The following PARP11 variants were observed in gnomAD, a reference collection of about 807,000 sequenced individuals.
PARP11 encodes the protein protein mono-ADP-ribosyltransferase PARP11.
Under a neutral mutation model 42.9 loss-of-function variants are expected in PARP11, and 31 were observed. That is an observed-to-expected ratio of 0.72 (90% CI 0.54 to 0.98). The LOEUF (loss-of-function observed/expected upper bound fraction) is 0.98, where lower values mean the gene tolerates loss of function less well. Among genes scored for constraint, PARP11 ranks in the 50% least tolerant of loss-of-function variants. The pLI is 0.00. For synonymous variants in PARP11, 137 were observed against 127.3 expected, an observed-to-expected ratio of 1.08 and a Z score of -0.51; for missense variants, 365 against 413.1, an observed-to-expected ratio of 0.88 and a Z score of 1.01.
intron 1 of PARP11, among the ~76,000 whole-genome samples, chr12:3,830,378 C>T (rs1008123555): frequency 2.6e-5 from 4 of 152,128 alleles, no homozygotes; most frequent in Non-Finnish European, 4.4e-5. Context: ...CATGCTATCA[C>T]GCTGGTTAAG....
At chr12:3,834,960 C>T (rs1591775178) in intron 1 of PARP11, among the ~76,000 whole-genome samples, 1 of 152,114 alleles carries the variant, frequency 6.6e-6, no homozygotes, top group African/African-American at 2.4e-5. Context: ...TGGCCAAACA[C>T]GACGTAACAG....
intron 1 of PARP11, among the ~76,000 whole-genome samples, chr12:3,850,707 A>C (rs1475863888): frequency 6.6e-6 from 1 of 152,250 alleles, no homozygotes; most frequent in Non-Finnish European, 1.5e-5. Context: ...AAAGGCCTGC[A>C]GATATCACTG....
intron 1 of PARP11, chr12:3,872,805 C>T (rs1948514160): frequency 5.1e-6 from 5 of 985,284 alleles, no homozygotes; most frequent in Non-Finnish European, 6.0e-6. Context: ...TTTCAAAAAA[C>T]AGTGAAGGCA....
chr12:3,865,932 T>TC (rs1273428224), intron 1 of PARP11, among the ~76,000 whole-genome samples: 2 of 152,022 alleles, frequency 1.3e-5, no homozygotes, highest in African/African-American at 4.8e-5. Flanking sequence ...CTCTTTTTTT[T>TC]CTATCTTCTT....
rs150958160 is a variant in PARP11, at chr12:3,831,863, T to A, written c.19-1845A>T. Among the ~76,000 whole-genome samples the A allele has an allele frequency of 5.9e-3, 903 of 152,264 alleles. 5 individuals are homozygous for A. The highest frequency in any genetic ancestry group is 0.019 in the African/African-American group (804 of 41,550). Reference sequence around the variant, plus strand: ...ATTCACAATTCCTACTGCTTTTTTTTATTAATGTTCATTTCATTGGGCCAT... The same window carrying A: ...ATTCACAATTCCTACTGCTTTTTTTAATTAATGTTCATTTCATTGGGCCAT... On this transcript the variant is annotated intron_variant, in intron 1 of 7. Coordinates refer to ENST00000228820, the MANE Select transcript of PARP11 (RefSeq NM_020367.6).
At chr12:3,869,810 T>G (rs561501678) in intron 1 of PARP11, among the ~76,000 whole-genome samples, 7 of 152,262 alleles carry the variant, frequency 4.6e-5, no homozygotes, top group Non-Finnish European at 8.8e-5. Flanking sequence ...TGCACCAGAC[T>G]GCAAACCCAT....
chr12:3,836,431 CTG>C (rs1190718567), intron 1 of PARP11, among the ~76,000 whole-genome samples: 1 of 151,942 alleles, frequency 6.6e-6, no homozygotes, highest in Non-Finnish European at 1.5e-5. Flanking sequence ...ATTACAAAAA[CTG>C]AGAGAATTCA....
intron 1 of PARP11, among the ~76,000 whole-genome samples, chr12:3,868,979 G>A (rs1039456842): frequency 6.6e-6 from 1 of 152,196 alleles, no homozygotes; most frequent in South Asian, 2.1e-4. Context: ...TTGTATGAGA[G>A]AATCTATTTC....
At chr12:3,845,902 G>C (rs1337643842) in intron 1 of PARP11, among the ~76,000 whole-genome samples, 1 of 152,188 alleles carries the variant, frequency 6.6e-6, no homozygotes, top group East Asian at 1.9e-4. Context: ...CAGCAACTTT[G>C]GGGTTGAACT....
intron 1 of PARP11, among the ~76,000 whole-genome samples, chr12:3,859,806 A>T (rs1333486811): frequency 6.6e-6 from 1 of 152,210 alleles, no homozygotes; most frequent in Non-Finnish European, 1.5e-5. Context: ...TGGCTATACT[A>T]ATGCCAGGCA....
intron 1 of PARP11, chr12:3,841,555 G>A: frequency 6.2e-7 from 1 of 1,605,586 alleles, no homozygotes; most frequent in East Asian, 2.2e-5. Flanking sequence ...TTCACCTCTG[G>A]TTATCCCTCC....
intron 1 of PARP11, chr12:3,871,939 C>T (rs1483596059): frequency 2.6e-5 from 4 of 152,170 alleles, no homozygotes; most frequent in Non-Finnish European, 5.9e-5. Flanking sequence ...GTCACAGAAA[C>T]CAGAATTCTT....
At chr12:3,839,933 G>A (rs1248479582) in intron 1 of PARP11, 4 of 1,167,732 alleles carry the variant, frequency 3.4e-6, no homozygotes, top group Non-Finnish European at 5.2e-6. Context: ...AGCTGCAAGA[G>A]TAAAACTGCT....
chr12:3,861,056 C>T lies in PARP11; in HGVS notation c.18+12156G>A, dbSNP rs990356022. 2.0e-5 allele frequency among the ~76,000 whole-genome samples: 3 copies of T among 152,120 alleles called. No individual in the cohort carries two copies. Among genetic ancestry groups the T allele is most frequent in the African/African-American group, 7.2e-5 (3 of 41,422 alleles). Reference sequence around the variant, plus strand: ...AGAATTTGCCTCAGGATGAATCATACCTTGGGCTCAACTGCATCTGATTTA... The same window carrying T: ...AGAATTTGCCTCAGGATGAATCATATCTTGGGCTCAACTGCATCTGATTTA... On this transcript the variant is annotated intron_variant, in intron 1 of 7. Transcript: ENST00000228820. This position sits in a 1 kb window ranked among gnomAD's most constrained non-coding sequence, Gnocchi z 4.6.
At chr12:3,846,529 G>A (rs1033511396) in intron 1 of PARP11, among the ~76,000 whole-genome samples, 1 of 151,928 alleles carries the variant, frequency 6.6e-6, no homozygotes, top group African/African-American at 2.4e-5. Context: ...GGCCAAGGTG[G>A]GTGGATCGTG....
At chr12:3,841,182 T>C in intron 1 of PARP11, 2 of 1,571,558 alleles carry the variant, frequency 1.3e-6, no homozygotes, top group South Asian at 1.1e-5. Flanking sequence ...CTGGGTTTCC[T>C]TGTAATGAAA....
In PARP11 at chr12:3,826,237, T is replaced by G; in HGVS notation, c.269-4A>C. On this transcript the variant is annotated splice_polypyrimidine_tract_variant and splice_region_variant and intron_variant, in intron 3 of 7. Transcript: ENST00000228820. ...GTGAGATTCATTTGCTTCATTTCTG[T>G]ATACAAAGACAAGATATTAGATAAG... 6.3e-7 allele frequency: 1 copy of G among 1,579,902 alleles called. No individual in the cohort carries two copies. The highest frequency in any genetic ancestry group is 8.6e-7 in the Non-Finnish European group (1 of 1,167,472).
At chr12:3,841,910 C>G in intron 1 of PARP11, 1 of 1,608,242 alleles carries the variant, frequency 6.2e-7, no homozygotes, top group Non-Finnish European at 8.5e-7. Flanking sequence ...GATGAGTTTC[C>G]AGCAGCCAGG....
At chr12:3,870,364 A>G (rs1948454219) in intron 1 of PARP11, among the ~76,000 whole-genome samples, 2 of 152,228 alleles carry the variant, frequency 1.3e-5, no homozygotes, top group Admixed American at 1.3e-4. Context: ...AGGATTCCCC[A>G]CTTTTAACAA....
Sources: gnomAD v4.1 joint callset for allele counts (sites outside exome capture counted in the v4.1 genomes callset) on GRCh38, gnomAD v4.1.1 for gene constraint, Gnocchi (gnomAD v3.1) non-coding constraint, MANE v1.5 for transcripts, NCBI Gene and HGNC (gene_info 2026-07-23, HGNC 2026-07-21) for gene names.